The following EIF3F variants were observed in gnomAD, a reference collection of about 807,000 sequenced individuals.
EIF3F encodes deubiquitinating enzyme eIF3f.
A neutral mutation model predicts 36.0 loss-of-function variants in EIF3F; 8 were observed. That is an observed-to-expected ratio of 0.22 (90% CI 0.13 to 0.40). The LOEUF (loss-of-function observed/expected upper bound fraction) is 0.40. Among genes scored for constraint, EIF3F ranks in the 10% least tolerant of loss-of-function variants. The pLI, the probability that EIF3F is intolerant of heterozygous loss-of-function variation, is 1.00. For synonymous variants in EIF3F, 184 were observed against 188.5 expected, an observed-to-expected ratio of 0.98 and a Z score of 0.19; for missense variants, 430 against 467.6, an observed-to-expected ratio of 0.92 and a Z score of 0.74.
At position 7,996,258 on chromosome 11, in the gene EIF3F, G is replaced by A. The variant is rs1942158628; in HGVS notation, c.*236G>A. 1 of 443,260 alleles carries A rather than the reference G, an allele frequency of 2.3e-6. No individual in the cohort carries two copies. Among genetic ancestry groups the A allele is most frequent in the Non-Finnish European group, 4.0e-6 (1 of 247,098 alleles). 27.5% of individuals were successfully genotyped at this position (443,260 alleles called of 1,614,324 possible). A position where few individuals can be genotyped will look rare whatever the true frequency, so the allele number is the denominator to read the frequency against. ...AACTAGGAAGTGAATATTGTAGGTA[G>A]AGAAGTTGGTTATGTGTTTGGCATG... is the stretch of plus-strand genomic sequence containing the variant. On this transcript the variant is annotated 3_prime_UTR_variant, in exon 8 of 8. Transcript: ENST00000651655.
At chr11:7,994,834 G>A in intron 5 of EIF3F, 148 bp from the exon 6 acceptor site, 6 of 1,157,380 alleles carry the variant, frequency 5.2e-6, no homozygotes, top group Non-Finnish European at 6.1e-6. Flanking sequence ...GGCACAGCAG[G>A]AAGTGTGACT....
rs943680383 is a variant in EIF3F, at chr11:7,998,084, G to A, written c.*2062G>A. 6.8e-6 allele frequency: 1 copy of A among 147,246 alleles called. No individual in the cohort carries two copies. Among genetic ancestry groups the A allele is most frequent in the East Asian group, 1.9e-4 (1 of 5,200 alleles). 9.1% of individuals were successfully genotyped at this position (147,246 alleles called of 1,614,324 possible). ...CCTCCACGGATACTAAACGGTGACT[G>A]TGTGTGTATATATATATGTATAGTC... On this transcript the variant is annotated 3_prime_UTR_variant, in exon 8 of 8. Transcript: ENST00000651655.
chr11:7,995,733 C>G (rs1942153245), intron 7 of EIF3F: 3 of 624,842 alleles, frequency 4.8e-6, no homozygotes, highest in Admixed American at 5.4e-5. Context: ...TAAGGCACCC[C>G]TAGTCTATAA....
Position 7,999,735 on chromosome 11 carries a change from G to C in EIF3F, c.*3713G>C, listed in dbSNP as rs1224970422. 6.6e-6 allele frequency: 1 copy of C among 152,190 alleles called. No homozygotes were observed. The highest frequency in any genetic ancestry group is 2.4e-5 in the African/African-American group (1 of 41,450). 9.4% of individuals were successfully genotyped at this position (152,190 alleles called of 1,614,324 possible). A position where few individuals can be genotyped will look rare whatever the true frequency, so the allele number is the denominator to read the frequency against. ...CTTGGTGTGAATGTAAATTAGTACA[G>C]ACATTGTGGAAAACAGTTTGTAGAG... is the stretch of plus-strand genomic sequence containing the variant. On this transcript the variant is annotated 3_prime_UTR_variant, in exon 8 of 8. Transcript: ENST00000651655.
rs1174503460 is a variant in EIF3F at position 7,999,145 on chromosome 11, C to G, written c.*3123C>G. 2 of 152,246 alleles carry G rather than the reference C, an allele frequency of 1.3e-5. No individual in the cohort carries two copies. Among genetic ancestry groups the G allele is most frequent in the African/African-American group, 4.8e-5 (2 of 41,446 alleles). The allele number at this position is 152,246 out of a possible 1,614,324, so 9.4% of individuals were successfully genotyped here. A position where few individuals can be genotyped will look rare whatever the true frequency, so the allele number is the denominator to read the frequency against. On this transcript the variant is annotated 3_prime_UTR_variant, in exon 8 of 8. Coordinates refer to ENST00000651655, the MANE Select transcript of EIF3F (RefSeq NM_003754.3). ...ATTAGCCAGGCGTGGTGGCACGCACCTGTAGTCCCAGCTACTTGGGAAGCT... is the reference window on the plus strand; with the variant it reads ...ATTAGCCAGGCGTGGTGGCACGCACGTGTAGTCCCAGCTACTTGGGAAGCT...
intron 1 of EIF3F, 93 bp from the exon 2 acceptor site, chr11:7,991,688 A>G (rs1177982429): frequency 1.4e-5 from 17 of 1,214,814 alleles, no homozygotes; most frequent in African/African-American, 4.5e-5. Flanking sequence ...GTTCATTGAC[A>G]TTGAAGAGAT....
intron 1 of EIF3F, 77 bp downstream of exon 1, chr11:7,987,793 C>A (rs1942044945): frequency 2.9e-6 from 4 of 1,386,684 alleles, no homozygotes; most frequent in South Asian, 1.7e-5. Flanking sequence ...CTCATTAATT[C>A]TTTAATTCCT....
At chr11:7,991,734 G>C (rs764264770) in intron 1 of EIF3F, 47 bp from the exon 2 acceptor site, 14 of 1,587,116 alleles carry the variant, frequency 8.8e-6, no homozygotes, top group South Asian at 2.2e-5. Context: ...AGAGGTTGTT[G>C]GGAGCCCTAG....
chr11:7,992,691 A>G (rs1942111458), intron 3 of EIF3F, 196 bp from the exon 4 acceptor site: 3 of 698,742 alleles, frequency 4.3e-6, no homozygotes, highest in Non-Finnish European at 2.4e-6. Flanking sequence ...AGTGACTTGG[A>G]ATTTTTCATC....
At chr11:7,994,751 G>C (rs1217699166) in intron 5 of EIF3F, 1 of 710,358 alleles carries the variant, frequency 1.4e-6, no homozygotes, top group Non-Finnish European at 2.3e-6. Flanking sequence ...CCATTCACAT[G>C]AGATCAAAAC....
At position 7,997,867 on chromosome 11, in the gene EIF3F, A is replaced by G. The variant is rs1049843028; in HGVS notation, c.*1845A>G. On this transcript the variant is annotated 3_prime_UTR_variant, in exon 8 of 8. Coordinates refer to ENST00000651655, the MANE Select transcript of EIF3F (RefSeq NM_003754.3). Reference sequence around the variant, plus strand: ...GTGTCTGGACTAAACCTGTACAGACATTTTTCCTTGTCATTTTTCCCTAAA... The same window carrying G: ...GTGTCTGGACTAAACCTGTACAGACGTTTTTCCTTGTCATTTTTCCCTAAA... 6.6e-6 allele frequency: 1 copy of G among 152,166 alleles called. No homozygotes were observed. Among genetic ancestry groups the G allele is most frequent in the African/African-American group, 2.4e-5 (1 of 41,446 alleles). 9.4% of individuals were successfully genotyped at this position (152,166 alleles called of 1,614,324 possible). A position where few individuals can be genotyped will look rare whatever the true frequency, so the allele number is the denominator to read the frequency against.
At chr11:7,987,968 C>T in intron 1 of EIF3F, 1 of 419,784 alleles carries the variant, frequency 2.4e-6, no homozygotes, top group Non-Finnish European at 3.9e-6. Context: ...GTAGTTGTGT[C>T]ATTTACTGAA....
chr11:7,987,567 C>T lies in EIF3F; in HGVS notation c.215C>T (p.Thr72Ile), dbSNP rs995172032. 2.8e-5 allele frequency: 45 copies of T among 1,598,052 alleles called. No homozygotes were observed. Among genetic ancestry groups the T allele is most frequent in the Non-Finnish European group, 3.8e-5 (45 of 1,173,732 alleles). ...GCCTCAGCGCAAGCTCCAGCGCAGA[C>T]CCCAGCGCCCGCTCTGCCTGGTCCT... Reference protein sequence around the residue: ...TPASAQAPAQTPAPALPGPAL... With the variant: ...TPASAQAPAQIPAPALPGPAL... Residue 72 changes from threonine to isoleucine, a missense_variant, in exon 1 of 8, where the codon ACC becomes ATC. Coordinates refer to ENST00000651655, the MANE Select transcript of EIF3F (RefSeq NM_003754.3).
At chr11:7,992,692 A>G in intron 3 of EIF3F, 195 bp from the exon 4 acceptor site, 1 of 701,724 alleles carries the variant, frequency 1.4e-6, no homozygotes, top group Non-Finnish European at 2.4e-6. Context: ...GTGACTTGGA[A>G]TTTTTCATCA....
chr11:7,987,938 C>A, intron 1 of EIF3F: 1 of 580,084 alleles, frequency 1.7e-6, no homozygotes. Context: ...TCACTTTAAG[C>A]GACATAAAAT....
At chr11:7,995,909 C>T in intron 7 of EIF3F, 36 bp from the exon 8 acceptor site, 1 of 1,598,984 alleles carries the variant, frequency 6.3e-7, no homozygotes, top group Non-Finnish European at 8.6e-7. Flanking sequence ...CCTTTCCACC[C>T]AACCCCCCAC....
Position 8,000,178 on chromosome 11 carries a change from G to A in EIF3F, c.*4156G>A, listed in dbSNP as rs1001303838. ...TCCGCCACTGCAGTCCAGCCTGAGC[G>A]ACAAGAGTGAGAAGAGTGAGACTTC... On this transcript the variant is annotated 3_prime_UTR_variant, in exon 8 of 8. Coordinates refer to ENST00000651655, the MANE Select transcript of EIF3F (RefSeq NM_003754.3). The A allele has an allele frequency of 6.6e-6, 1 of 150,670 alleles. No individual in the cohort carries two copies. Among genetic ancestry groups the A allele is most frequent in the Non-Finnish European group, 1.5e-5 (1 of 67,874 alleles). 9.3% of individuals were successfully genotyped at this position (150,670 alleles called of 1,614,324 possible). A position where few individuals can be genotyped will look rare whatever the true frequency, so the allele number is the denominator to read the frequency against.
intron 2 of EIF3F, 116 bp downstream of exon 2, chr11:7,991,967 C>A: frequency 6.7e-7 from 1 of 1,496,228 alleles, no homozygotes; most frequent in South Asian, 1.1e-5. Flanking sequence ...AGCTTCTTCC[C>A]ATTTGTACGT....
Position 7,999,204 on chromosome 11 carries a change from G to A in EIF3F, c.*3182G>A, listed in dbSNP as rs1942193699. The A allele has an allele frequency of 6.6e-6, 1 of 152,234 alleles. No individual in the cohort carries two copies. The highest frequency in any genetic ancestry group is 2.4e-5 in the African/African-American group (1 of 41,448). The allele number at this position is 152,234 out of a possible 1,614,324, so 9.4% of individuals were successfully genotyped here. A position where few individuals can be genotyped will look rare whatever the true frequency, so the allele number is the denominator to read the frequency against. Reference sequence around the variant, plus strand: ...AGAATCTCGAACCCAGGAGGTAGGGGTTGCAGTGAGCTGAGATCGCACCAC... The same window carrying A: ...AGAATCTCGAACCCAGGAGGTAGGGATTGCAGTGAGCTGAGATCGCACCAC... On this transcript the variant is annotated 3_prime_UTR_variant, in exon 8 of 8. Transcript: ENST00000651655.
Sources: allele counts gnomAD v4.1 joint callset, GRCh38; gene constraint gnomAD v4.1.1; transcripts MANE v1.5; gene names NCBI Gene and HGNC (gene_info 2026-07-23, HGNC 2026-07-21).